Variants in TCEANC2 observed in about 807,000 individuals in gnomAD.
TCEANC2 encodes the protein transcription elongation factor A N-terminal and central domain-containing protein 2.
A neutral mutation model predicts 22.8 loss-of-function variants in TCEANC2; 20 were observed. The ratio of observed to expected loss-of-function variants is 0.88; its 90% CI spans 0.62 to 1.28. The LOEUF is 1.28. TCEANC2 is among the 50% of genes most tolerant of loss of function. TCEANC2 has a pLI of 0.00. For missense variants in TCEANC2, 251 were observed against 249.7 expected (o/e 1.01, Z -0.03); for synonymous variants, 84 against 95.5 (o/e 0.88, Z 0.70).
rs780543399 is a variant in TCEANC2 at position 54,088,699 on chromosome 1, A to C, written c.347A>C (p.Asn116Thr). ...EWKTFTEKHS[N>T]RPSIEVRSDP... ...AAAACTTTCACTGAAAAACATTCAAATAGACCTTCTATTGAAGTTAGAAGT... is the reference window on the plus strand; with the variant it reads ...AAAACTTTCACTGAAAAACATTCAACTAGACCTTCTATTGAAGTTAGAAGT... The change falls in exon 4 of 5, where the codon AAT becomes ACT. Residue 116 changes from asparagine (N) to threonine (T), a missense_variant. Physicochemically the swap from Asn to Thr is moderately conservative, Grantham distance 65. Transcript: ENST00000234827. 8 of 1,611,446 alleles carry C rather than the reference A, an allele frequency of 5.0e-6. No homozygotes were observed. The African/African-American group carries it at 9.4e-5, about 19-fold the overall frequency.
At position 54,096,671 on chromosome 1, in the gene TCEANC2, C is replaced by T. The variant is rs1052060710; in HGVS notation, c.*198C>T. On this transcript the variant is annotated 3_prime_UTR_variant, in exon 5 of 5. Transcript: ENST00000234827. This position sits in a 1 kb window ranked among gnomAD's most constrained non-coding sequence, Gnocchi z 4.9. ...GGAATGTGCTTCATTAGCTGCAGTG[C>T]GCTGGTGCTGCCTAACAGAACGCAC... is the stretch of plus-strand genomic sequence containing the variant. 19 of 1,271,310 alleles carry T rather than the reference C, an allele frequency of 1.5e-5. No individual in the cohort carries two copies. Among genetic ancestry groups the T allele is most frequent in the African/African-American group, 3.0e-5 (2 of 67,130 alleles). The allele number at this position is 1,271,310 out of a possible 1,614,324, so 78.8% of individuals were successfully genotyped here.
chr1:54,060,187 C>G (rs571900724), intron 2 of TCEANC2, among the ~76,000 whole-genome samples: 1 of 152,148 alleles, frequency 6.6e-6, no homozygotes, highest in Non-Finnish European at 1.5e-5. Flanking sequence ...GCGGGTGGAT[C>G]ATGAGGTCAG....
At chr1:54,106,524 G>C (rs1423644046), downstream of TCEANC2, among the ~76,000 whole-genome samples, 1 of 152,066 alleles carries the variant, frequency 6.6e-6, no homozygotes, top group Non-Finnish European at 1.5e-5. Flanking sequence ...TCTGAAATGT[G>C]GTATGTATTT....
chr1:54,080,146 C>CTTTT (rs869271204), intron 3 of TCEANC2, among the ~76,000 whole-genome samples: 1 of 134,170 alleles, frequency 7.5e-6, no homozygotes. Flanking sequence ...AATTTTCTTT[C>CTTTT]TTTTTTTTTT....
downstream of TCEANC2, among the ~76,000 whole-genome samples, chr1:54,109,080 A>T (rs1415778832): frequency 1.3e-5 from 2 of 152,164 alleles, no homozygotes; most frequent in Non-Finnish European, 2.9e-5. Flanking sequence ...TCCAATAAGG[A>T]GCCAAGTCAT....
At chr1:54,054,590 C>T in intron 2 of TCEANC2, 66 bp downstream of exon 2, 1 of 1,487,240 alleles carries the variant, frequency 6.7e-7, no homozygotes, top group Non-Finnish European at 9.0e-7. Flanking sequence ...GCTAGAGGTT[C>T]TGTTGTGGAA....
chr1:54,078,648 G>A (rs1241189417), intron 3 of TCEANC2, among the ~76,000 whole-genome samples: 6 of 152,242 alleles, frequency 3.9e-5, no homozygotes, highest in Admixed American at 3.3e-4. Flanking sequence ...TGGGATTCAA[G>A]CTCAGATGCA....
At chr1:54,088,565 C>A (rs1658381373) in intron 3 of TCEANC2, 32 bp from the exon 4 acceptor site, 3 of 1,565,810 alleles carry the variant, frequency 1.9e-6, no homozygotes, top group Middle Eastern at 2.3e-4. Flanking sequence ...GATGTAACAA[C>A]CTTTCCTTTG....
chr1:54,064,480 T>C (rs1432109113), intron 2 of TCEANC2, among the ~76,000 whole-genome samples: 1 of 152,190 alleles, frequency 6.6e-6, no homozygotes, highest in African/African-American at 2.4e-5. Flanking sequence ...CGTTGGTTAC[T>C]TGGCTTACAC....
chr1:54,054,332 CATG>C lies in TCEANC2; in HGVS notation c.-42-48_-42-46del, dbSNP rs945714083. ...TTGTGTTACTTTGGGGAAAAAATAT[CATG>C]GCAGTCTTTAGTGGGGTTTTAGAAT... On this transcript the variant is annotated intron_variant, in intron 1 of 4. Coordinates refer to ENST00000234827, the MANE Select transcript of TCEANC2 (RefSeq NM_153035.3). 2.6e-6 allele frequency: 4 copies of C among 1,546,820 alleles called. No individual in the cohort carries two copies. In the African/African-American group the frequency reaches 4.1e-5, roughly 16 times the overall value.
rs1658543211 is a variant in TCEANC2 at position 54,096,239 on chromosome 1, C to A, written c.439-46C>A. 1 of 1,551,544 alleles carries A rather than the reference C, an allele frequency of 6.4e-7. No individual in the cohort carries two copies. Among genetic ancestry groups the A allele is most frequent in the Non-Finnish European group, 8.8e-7 (1 of 1,139,070 alleles). ...GCTCCAGCCTCTCTTGCTTTTAATC[C>A]TTACGCAATGTAAGGCTCTAATTTG... On this transcript the variant is annotated intron_variant, in intron 4 of 4. Coordinates refer to ENST00000234827, the MANE Select transcript of TCEANC2 (RefSeq NM_153035.3). This position sits in a 1 kb window ranked among gnomAD's most constrained non-coding sequence, Gnocchi z 4.9.
At chr1:54,074,266 A>G (rs145696274) in intron 3 of TCEANC2, among the ~76,000 whole-genome samples, 72 of 152,320 alleles carry the variant, frequency 4.7e-4, no homozygotes, top group African/African-American at 1.7e-3. Flanking sequence ...GATCAACACC[A>G]TCTTGGCTAA....
chr1:54,065,128 G>T (rs917435778), intron 2 of TCEANC2, among the ~76,000 whole-genome samples: 1 of 152,146 alleles, frequency 6.6e-6, no homozygotes, highest in African/African-American at 2.4e-5. Context: ...AGTATGAAAA[G>T]AGAACAGGTA....
rs551517881 is a variant in TCEANC2, at chr1:54,103,161, A to G, written c.*6688A>G. The G allele has an allele frequency of 6.6e-6, 1 of 152,406 alleles. No individual in the cohort carries two copies. Among genetic ancestry groups the G allele is most frequent in the African/African-American group, 2.4e-5 (1 of 41,586 alleles). 9.4% of individuals were successfully genotyped at this position (152,406 alleles called of 1,614,324 possible). A position where few individuals can be genotyped will look rare whatever the true frequency, so the allele number is the denominator to read the frequency against. On this transcript the variant is annotated 3_prime_UTR_variant, in exon 5 of 5. Transcript: ENST00000234827. The stretch of plus-strand genomic sequence containing the variant: ...AAACAACAATGTACACACAGTTGAC[A>G]TCAACCAGTCTCTGAGGCCACCCCA...
rs781611589 is a variant in TCEANC2, at chr1:54,068,810, G to A, written c.157G>A (p.Asp53Asn). 9.3e-6 allele frequency: 15 copies of A among 1,612,232 alleles called. No individual in the cohort carries two copies. The highest frequency in any genetic ancestry group is 5.3e-5 in the African/African-American group (4 of 74,828). ...KRWKTMLELP[D>N]QTKENLVEAL... ...ATGGAAAACTATGCTGGAGCTTCCT[G>A]ATCAAACCAAAGAGAATCTTGTTGA... Residue 53 changes from aspartate (D) to asparagine (N), a missense_variant, in exon 3 of 5, where the codon GAT (aspartate) becomes AAT (asparagine). Coordinates refer to ENST00000234827, the MANE Select transcript of TCEANC2 (RefSeq NM_153035.3).
intron 2 of TCEANC2, among the ~76,000 whole-genome samples, chr1:54,057,900 T>A (rs759304453): frequency 7.2e-5 from 11 of 152,198 alleles, no homozygotes; most frequent in Non-Finnish European, 1.5e-4. Context: ...TGCCTTTGCA[T>A]ATACTGTCCT....
At chr1:54,069,127 T>TA (rs947132367) in intron 3 of TCEANC2, among the ~76,000 whole-genome samples, 5 of 152,214 alleles carry the variant, frequency 3.3e-5, no homozygotes, top group Non-Finnish European at 5.9e-5. Context: ...CCCCAGTTTT[T>TA]AAAATTAGAT....
At chr1:54,073,245 G>T (rs1658090593) in intron 3 of TCEANC2, among the ~76,000 whole-genome samples, 1 of 152,238 alleles carries the variant, frequency 6.6e-6, no homozygotes, top group Non-Finnish European at 1.5e-5. Flanking sequence ...GGGATGAGAG[G>T]CATGAGCCAC....
chr1:54,072,757 A>AT (rs951037977), intron 3 of TCEANC2, among the ~76,000 whole-genome samples: 10 of 151,172 alleles, frequency 6.6e-5, no homozygotes, highest in African/African-American at 1.7e-4. Flanking sequence ...TTTTTTATAA[A>AT]TTTTTTTTTG....
Sources: allele counts gnomAD v4.1 joint callset (sites outside exome capture counted in the v4.1 genomes callset), GRCh38; gene constraint gnomAD v4.1.1; non-coding constraint Gnocchi (gnomAD v3.1); transcripts MANE v1.5; gene names NCBI Gene and HGNC (gene_info 2026-07-23, HGNC 2026-07-21).